The following MATCAP2 variants were observed in gnomAD, a reference collection of about 807,000 sequenced individuals.
MATCAP2 encodes putative tyrosine carboxypeptidase MATCAP2.
chr7:36,372,110 T>C, the MATCAP2 span, among the ~76,000 whole-genome samples: 7 of 151,606 alleles, frequency 4.6e-5, no homozygotes, highest in African/African-American at 7.3e-5. Flanking sequence ...TAAAAAGAGG[T>C]TTTTATCTTA....
chr7:36,381,296 T>C, the MATCAP2 span, among the ~76,000 whole-genome samples: 4 of 152,084 alleles, frequency 2.6e-5, no homozygotes, highest in South Asian at 2.1e-4. Context: ...TTGGAGTCCA[T>C]GTGTGGTCAT....
At chr7:36,343,650 AG>A in the MATCAP2 span, among the ~76,000 whole-genome samples, 5 of 5,502 alleles carry the variant, frequency 9.1e-4, no homozygotes, top group South Asian at 0.056. Flanking sequence ...GAAAAAGAAA[AG>A]AGAAGGAAGG....
At chr7:36,375,842 T>C in the MATCAP2 span, among the ~76,000 whole-genome samples, 1 of 152,258 alleles carries the variant, frequency 6.6e-6, no homozygotes, top group Non-Finnish European at 1.5e-5. Context: ...CAGGAATTTA[T>C]CCATTTCTTC....
chr7:36,353,761 G>A, the MATCAP2 span, among the ~76,000 whole-genome samples: 1 of 152,106 alleles, frequency 6.6e-6, no homozygotes, highest in East Asian at 1.9e-4. Context: ...GATTACAGGT[G>A]TGAGCCACCA....
At chr7:36,366,448 T>C in the MATCAP2 span, among the ~76,000 whole-genome samples, 2 of 152,150 alleles carry the variant, frequency 1.3e-5, no homozygotes, top group African/African-American at 4.8e-5. Flanking sequence ...ATTAATAATA[T>C]CAACTCAAAA....
At chr7:36,370,053 A>G in the MATCAP2 span, among the ~76,000 whole-genome samples, 3 of 152,220 alleles carry the variant, frequency 2.0e-5, no homozygotes, top group Non-Finnish European at 4.4e-5. Flanking sequence ...ATCTCTGTGT[A>G]TTATTGAAGC....
the MATCAP2 span, among the ~76,000 whole-genome samples, chr7:36,384,400 T>C: frequency 6.6e-6 from 1 of 152,216 alleles, no homozygotes; most frequent in South Asian, 2.1e-4. Flanking sequence ...GGCCAATCCC[T>C]TAGCCTCTAT....
At chr7:36,347,098 T>C in the MATCAP2 span, among the ~76,000 whole-genome samples, 1 of 152,208 alleles carries the variant, frequency 6.6e-6, no homozygotes, top group Non-Finnish European at 1.5e-5. Flanking sequence ...TAGTTTTACA[T>C]TGCAGGAGAA....
At chr7:36,379,768 G>A in the MATCAP2 span, among the ~76,000 whole-genome samples, 6 of 150,858 alleles carry the variant, frequency 4.0e-5, no homozygotes, top group East Asian at 9.8e-4. Flanking sequence ...CCTGTATAGT[G>A]TGTTACTATA....
At chr7:36,364,593 GA>G in the MATCAP2 span, among the ~76,000 whole-genome samples, 53 of 150,440 alleles carry the variant, frequency 3.5e-4, 1 homozygote, top group Non-Finnish European at 1.3e-4. Context: ...TTTTAGAGCT[GA>G]AAAAAAAATG....
At chr7:36,364,779 T>A in the MATCAP2 span, among the ~76,000 whole-genome samples, 4 of 152,204 alleles carry the variant, frequency 2.6e-5, no homozygotes, top group Admixed American at 1.3e-4. Context: ...TTTTCTGATA[T>A]CGCAGTGAAA....
chr7:36,389,973 C>T, the MATCAP2 span: 1 of 1,614,072 alleles, frequency 6.2e-7, no homozygotes. Context: ...TCACTTTTCT[C>T]TTCCTGAATT....
At chr7:36,372,378 TA>T in the MATCAP2 span, among the ~76,000 whole-genome samples, 2 of 152,242 alleles carry the variant, frequency 1.3e-5, no homozygotes, top group African/African-American at 4.8e-5. Flanking sequence ...TCCTTGGCTT[TA>T]AAAAAAATTT....
the MATCAP2 span, chr7:36,337,782 GCCT>G: frequency 6.6e-6 from 1 of 152,124 alleles, no homozygotes; most frequent in Non-Finnish European, 1.5e-5. Context: ...ACTGGCCTCA[GCCT>G]CCTCATTTGT....
At chr7:36,371,801 C>A in the MATCAP2 span, among the ~76,000 whole-genome samples, 5 of 152,026 alleles carry the variant, frequency 3.3e-5, no homozygotes, top group Admixed American at 2.6e-4. Flanking sequence ...CACTCTGTTG[C>A]CCAGGCTGGA....
the MATCAP2 span, chr7:36,355,384 C>T: frequency 6.6e-6 from 1 of 152,144 alleles, no homozygotes; most frequent in South Asian, 2.1e-4. Flanking sequence ...GTTAATGCTG[C>T]CTTCTCCCAT....
At chr7:36,336,231 C>T in the MATCAP2 span, 2 of 1,534,598 alleles carry the variant, frequency 1.3e-6, no homozygotes, top group Non-Finnish European at 1.7e-6. Context: ...AAGCTACCAC[C>T]AGTGGCTTGT....
chr7:36,362,563 C>G, the MATCAP2 span, among the ~76,000 whole-genome samples: 61,963 of 152,042 alleles, frequency 0.41, 13,139 homozygotes, highest in African/African-American at 0.49. Context: ...CAAACTTTCC[C>G]ATGGCTTTCC....
chr7:36,366,625 T>G, the MATCAP2 span: 1 of 1,469,436 alleles, frequency 6.8e-7, no homozygotes, highest in South Asian at 1.2e-5. Flanking sequence ...TTTAACAATC[T>G]TTGGATTGTA....
Sources: allele counts gnomAD v4.1 joint callset (sites outside exome capture counted in the v4.1 genomes callset), GRCh38; gene constraint gnomAD v4.1.1; transcripts MANE v1.5; gene names NCBI Gene and HGNC (gene_info 2026-07-23, HGNC 2026-07-21).